Variants in CFAP54 observed in about 807,000 individuals in gnomAD.
CFAP54 encodes the protein cilia- and flagella-associated protein 54.
A neutral mutation model predicts 370.4 loss-of-function variants in CFAP54; 290 were observed. The observed-to-expected ratio is 0.78, with a 90% CI of 0.71 to 0.86. The LOEUF is 0.86. CFAP54 is among the 40% of genes least tolerant of loss of function. The probability of loss-of-function intolerance (pLI) is 0.00; values close to 1 mark genes in which losing one functional copy is unlikely to be tolerated. For synonymous variants in CFAP54, 1,206 were observed against 1,236.5 expected (o/e 0.98, Z 0.52); for missense variants, 3,399 against 3,528.7 (o/e 0.96, Z 0.93).
chr12:96,569,333 T>C (rs75538064), intron 19 of CFAP54, among the ~76,000 whole-genome samples: 1,996 of 152,310 alleles, frequency 0.013, 59 homozygotes, highest in African/African-American at 0.046. Flanking sequence ...CCTGGGCCAG[T>C]TGACTGCTCC....
chr12:96,560,825 A>AC (rs1007845797), intron 17 of CFAP54, among the ~76,000 whole-genome samples: 34 of 152,284 alleles, frequency 2.2e-4, no homozygotes, highest in African/African-American at 8.2e-4. Context: ...ACAGACTTTC[A>AC]CCCAATGGTC....
Position 96,626,908 on chromosome 12 carries a change from G to A in CFAP54, c.4072G>A (p.Val1358Ile). Residue 1358 changes from valine to isoleucine, a missense_variant, in exon 30 of 68, where the codon GTA becomes ATA. Transcript: ENST00000524981. ...GGAAAAATTTCATCTTATGGTAGAG[G>A]TAACAACTCCTGTCCATGACTTCTT... is the stretch of plus-strand genomic sequence containing the variant. ...NEEKFHLMVE[V>I]TTPVHDFLKR... 2 of 1,427,490 alleles carry A rather than the reference G, an allele frequency of 1.4e-6. No homozygotes were observed. The highest frequency in any genetic ancestry group is 1.4e-5 in the African/African-American group (1 of 70,556). 88.4% of individuals were successfully genotyped at this position (1,427,490 alleles called of 1,614,324 possible). A position where few individuals can be genotyped will look rare whatever the true frequency, so the allele number is the denominator to read the frequency against.
chr12:96,573,800 C>T (rs754902645), intron 19 of CFAP54, among the ~76,000 whole-genome samples: 30 of 152,120 alleles, frequency 2.0e-4, no homozygotes, highest in Non-Finnish European at 3.7e-4. Context: ...GGTCTAAATA[C>T]GGAAGGACTG....
rs560742952 is a variant in CFAP54 at position 96,787,906 on chromosome 12, G to GT, written c.8679+1020dup. On this transcript the variant is annotated intron_variant, in intron 62 of 67. Transcript: ENST00000524981. Reference sequence around the variant, plus strand: ...GGCAAAGGATAGATGAAAAAGTGAGGTTTTTTTTTTTTGGTTTTTTTTTTG... The same window carrying GT: ...GGCAAAGGATAGATGAAAAAGTGAGGTTTTTTTTTTTTTGGTTTTTTTTTTG... Among the ~76,000 whole-genome samples the GT allele has an allele frequency of 5.0e-3, 702 of 141,334 alleles. 1 individual carries two copies. The highest frequency in any genetic ancestry group is 0.011 in the African/African-American group (447 of 39,066). The allele number at this position is 141,334 out of a possible 152,430, so 92.7% of individuals were successfully genotyped here.
chr12:96,534,314 G>T, intron 11 of CFAP54, 87 bp downstream of exon 11: 7 of 800,208 alleles, frequency 8.7e-6, no homozygotes, highest in South Asian at 2.0e-5. Flanking sequence ...TGTTGAAGGC[G>T]GAGGGAGCAA....
intron 42 of CFAP54, among the ~76,000 whole-genome samples, chr12:96,685,841 G>A (rs972426452): frequency 3.9e-5 from 6 of 152,222 alleles, no homozygotes; most frequent in Middle Eastern, 6.8e-3. Context: ...CATGAGCCAC[G>A]GCGTCTGGCT....
intron 60 of CFAP54, among the ~76,000 whole-genome samples, chr12:96,770,045 ATTATC>A (rs1349676054): frequency 1.3e-5 from 2 of 152,176 alleles, no homozygotes; most frequent in Non-Finnish European, 2.9e-5. Context: ...TTCCTCTACT[ATTATC>A]TTCTGTTTTC....
chr12:96,647,472 C>CAAAAAAAAAAAAAAAAAAAAAAA (rs57089692), intron 33 of CFAP54, among the ~76,000 whole-genome samples: 8 of 40,754 alleles, frequency 2.0e-4, no homozygotes, highest in African/African-American at 3.8e-4. Context: ...GACTCTGTCC[C>CAAAAAAAAAAAAAAAAAAAAAAA]AAAAAAAAAA....
At position 96,691,118 on chromosome 12, in the gene CFAP54, T is replaced by G. The variant is rs1565943770; in HGVS notation, c.6082-10T>G. ...ATAGCTCTTTATATTTCACTTTTTTTCATTTTCAGGGTTTGCTTAGAACAA... is the reference window on the plus strand; with the variant it reads ...ATAGCTCTTTATATTTCACTTTTTTGCATTTTCAGGGTTTGCTTAGAACAA... On this transcript the variant is annotated splice_polypyrimidine_tract_variant and intron_variant, in intron 43 of 67. Coordinates refer to ENST00000524981, the MANE Select transcript of CFAP54 (RefSeq NM_001306084.2). The G allele has an allele frequency of 6.2e-7, 1 of 1,610,326 alleles. No individual in the cohort carries two copies. The highest frequency in any genetic ancestry group is 2.2e-5 in the East Asian group (1 of 44,786).
At chr12:96,666,790 C>T (rs1957086397) in intron 39 of CFAP54, among the ~76,000 whole-genome samples, 1 of 152,138 alleles carries the variant, frequency 6.6e-6, no homozygotes, top group African/African-American at 2.4e-5. Context: ...ATCTCATGTC[C>T]TCACATTTCA....
At chr12:96,693,849 A>G (rs1254913794) in intron 45 of CFAP54, 41 bp downstream of exon 45, 1 of 1,247,826 alleles carries the variant, frequency 8.0e-7, no homozygotes, top group Admixed American at 1.9e-5. Flanking sequence ...TTCTTGAACT[A>G]TTAAGGATAT....
intron 16 of CFAP54, 135 bp from the exon 17 acceptor site, chr12:96,554,541 G>T: frequency 9.2e-7 from 1 of 1,090,900 alleles, no homozygotes; most frequent in Non-Finnish European, 1.3e-6. Flanking sequence ...TAAGCAAACT[G>T]CAAAGGGCTG....
chr12:96,678,159 C>T (rs1330148442), intron 39 of CFAP54, among the ~76,000 whole-genome samples: 2 of 150,560 alleles, frequency 1.3e-5, no homozygotes, highest in African/African-American at 4.8e-5. Flanking sequence ...CTTTGTAAAG[C>T]GTCAGTGATT....
chr12:96,634,064 T>TC (rs943966346), intron 32 of CFAP54, among the ~76,000 whole-genome samples: 2 of 130,920 alleles, frequency 1.5e-5, no homozygotes, highest in African/African-American at 5.5e-5. Flanking sequence ...TTTTTTTTTT[T>TC]TTTTTTTTTG....
intron 50 of CFAP54, among the ~76,000 whole-genome samples, chr12:96,734,114 C>T (rs1426579757): frequency 6.6e-6 from 1 of 152,096 alleles, no homozygotes; most frequent in African/African-American, 2.4e-5. Flanking sequence ...AATTACAGCA[C>T]CTTAGAAAAT....
intron 50 of CFAP54, among the ~76,000 whole-genome samples, chr12:96,724,138 A>G (rs7304207): frequency 0.36 from 54,027 of 148,868 alleles, 10,716 homozygotes; most frequent in East Asian, 0.57. Flanking sequence ...ATAAACATAC[A>G]TGTGCATGTG....
intron 1 of CFAP54, among the ~76,000 whole-genome samples, chr12:96,495,251 TC>T (rs1954937156): frequency 2.9e-5 from 1 of 34,852 alleles, no homozygotes; most frequent in African/African-American, 9.3e-5. Context: ...CTTCCTTCCT[TC>T]CTTCCTTCCT....
intron 32 of CFAP54, among the ~76,000 whole-genome samples, chr12:96,640,018 C>A (rs1345350964): frequency 6.6e-6 from 1 of 152,138 alleles, no homozygotes; most frequent in Non-Finnish European, 1.5e-5. Flanking sequence ...AAAACTGGCA[C>A]AAGACAAGGA....
intron 50 of CFAP54, among the ~76,000 whole-genome samples, chr12:96,723,519 G>A (rs945481979): frequency 1.3e-5 from 2 of 152,140 alleles, no homozygotes; most frequent in African/African-American, 4.8e-5. Context: ...TAAGGATAGA[G>A]AGTTGACCCC....
Sources: allele counts gnomAD v4.1 joint callset (sites outside exome capture counted in the v4.1 genomes callset), GRCh38; gene constraint gnomAD v4.1.1; transcripts MANE v1.5; gene names NCBI Gene and HGNC (gene_info 2026-07-23, HGNC 2026-07-21).